Variants in THRB observed in about 807,000 individuals in gnomAD.
THRB encodes nuclear receptor subfamily 1 group A member 2.
A neutral mutation model predicts 47.8 loss-of-function variants in THRB; 12 were observed. The ratio of observed to expected loss-of-function variants is 0.25; its 90% CI spans 0.16 to 0.41. The LOEUF is 0.41. Ranked by LOEUF, THRB falls within the 10% of genes least tolerant of loss-of-function variation. The probability of loss-of-function intolerance (pLI) is 1.00; values close to 1 mark genes in which losing one functional copy is unlikely to be tolerated. For missense variants in THRB, 348 were observed against 589.2 expected (o/e 0.59, Z 4.24); for synonymous variants, 218 against 212.2 (o/e 1.03, Z -0.24).
intron 2 of THRB, among the ~76,000 whole-genome samples, chr3:24,327,583 T>C (rs191234777): frequency 1.7e-4 from 26 of 152,374 alleles, no homozygotes; most frequent in Admixed American, 4.6e-4. Context: ...GATATATCTG[T>C]AAATAAAACA....
chr3:24,135,010 G>A (rs2034433100), intron 8 of THRB, among the ~76,000 whole-genome samples: 1 of 152,072 alleles, frequency 6.6e-6, no homozygotes, highest in Non-Finnish European at 1.5e-5. Context: ...CTTGATTTCT[G>A]GGCCCCATCC....
At chr3:24,236,326 C>G (rs905006657) in intron 3 of THRB, among the ~76,000 whole-genome samples, 3 of 152,126 alleles carry the variant, frequency 2.0e-5, no homozygotes, top group African/African-American at 7.2e-5. Context: ...CTCTTCAAGC[C>G]TCATTTGTAA....
chr3:24,477,693 G>A (rs1695692877), intron 1 of THRB, among the ~76,000 whole-genome samples: 1 of 151,894 alleles, frequency 6.6e-6, no homozygotes, highest in South Asian at 2.1e-4. Flanking sequence ...GGGTCCTAAC[G>A]CAGGATACGT....
At chr3:24,354,314 AC>A (rs1480889465) in intron 1 of THRB, among the ~76,000 whole-genome samples, 1 of 151,936 alleles carries the variant, frequency 6.6e-6, no homozygotes, top group African/African-American at 2.4e-5. Flanking sequence ...TATACAACAA[AC>A]CCCCATCACA....
intron 3 of THRB, among the ~76,000 whole-genome samples, chr3:24,239,251 G>A (rs2049231752): frequency 6.6e-6 from 1 of 152,036 alleles, no homozygotes; most frequent in Non-Finnish European, 1.5e-5. Flanking sequence ...CGCACATTAG[G>A]TTCTTGTTTA....
chr3:24,281,032 A>G (rs1031274937), intron 3 of THRB, among the ~76,000 whole-genome samples: 38 of 152,146 alleles, frequency 2.5e-4, no homozygotes, highest in Admixed American at 1.6e-3. Context: ...CATCCAGGAG[A>G]ACTTCCCCAA....
chr3:24,404,236 A>G (rs564364359), intron 1 of THRB, among the ~76,000 whole-genome samples: 2 of 152,108 alleles, frequency 1.3e-5, no homozygotes, highest in South Asian at 4.1e-4. Flanking sequence ...ATGCATGAGT[A>G]AAAGATCCAT....
At chr3:24,335,428 C>A (rs1034334932) in intron 2 of THRB, among the ~76,000 whole-genome samples, 5 of 152,184 alleles carry the variant, frequency 3.3e-5, no homozygotes, top group Admixed American at 3.3e-4. Flanking sequence ...AAACAGCCCA[C>A]ATAGCTTTAA....
rs1156508149 is a variant in THRB at position 24,150,098 on chromosome 3, C to T, written c.384+2292G>A. ...TGATTCTTTCTCTAAAAATAGTTTG[C>T]TGTGGGACAGTATCAATATCCTTTC... On this transcript the variant is annotated intron_variant, in intron 6 of 10. Transcript: ENST00000646209. Among the ~76,000 whole-genome samples the T allele has an allele frequency of 2.6e-5, 4 of 152,190 alleles. No individual in the cohort carries two copies. In the East Asian group the frequency reaches 7.7e-4, roughly 29 times the overall value.
intron 1 of THRB, among the ~76,000 whole-genome samples, chr3:24,445,316 C>T (rs2071959377): frequency 6.6e-6 from 1 of 151,998 alleles, no homozygotes; most frequent in African/African-American, 2.4e-5. Context: ...GGTTATTTAT[C>T]AGCTATTGAG....
rs142298623 is a variant in THRB, at chr3:24,439,412, G to A, written c.-261+55240C>T. ...AATTTAGAGCCGGACGCCCTCTCAC[G>A]AGAACTATGGCATGGGATCCTCTGT... On this transcript the variant is annotated intron_variant, in intron 1 of 10. Transcript: ENST00000646209. 2.4e-3 allele frequency among the ~76,000 whole-genome samples: 364 copies of A among 152,236 alleles called. 1 individual carries two copies. The highest frequency in any genetic ancestry group is 8.3e-3 in the African/African-American group (345 of 41,534).
At chr3:24,266,818 CT>C (rs879528719) in intron 3 of THRB, among the ~76,000 whole-genome samples, 5 of 151,792 alleles carry the variant, frequency 3.3e-5, no homozygotes, top group Non-Finnish European at 7.4e-5. Context: ...CTGGACAGAC[CT>C]TCCATATTAA....
chr3:24,255,867 T>A (rs2051221069), intron 3 of THRB, among the ~76,000 whole-genome samples: 1 of 152,168 alleles, frequency 6.6e-6, no homozygotes. Flanking sequence ...TAGCAATGAT[T>A]AGATTTACAT....
intron 2 of THRB, among the ~76,000 whole-genome samples, chr3:24,327,560 T>C (rs1015478556): frequency 1.3e-5 from 2 of 152,246 alleles, no homozygotes; most frequent in Non-Finnish European, 2.9e-5. Context: ...CAGGCACAAT[T>C]CTAGGTACTT....
chr3:24,227,270 T>C (rs2047752351), intron 4 of THRB, among the ~76,000 whole-genome samples: 1 of 152,222 alleles, frequency 6.6e-6, no homozygotes, highest in Admixed American at 6.5e-5. Context: ...GGTATCTGTG[T>C]GCTCACACCT....
At chr3:24,301,445 C>T (rs1166163210) in intron 2 of THRB, among the ~76,000 whole-genome samples, 2 of 152,184 alleles carry the variant, frequency 1.3e-5, no homozygotes, top group African/African-American at 4.8e-5. Context: ...CTTATGAATG[C>T]TGTGGCAAAG....
chr3:24,306,880 T>C (rs535542403), intron 2 of THRB, among the ~76,000 whole-genome samples: 1 of 152,316 alleles, frequency 6.6e-6, no homozygotes, highest in Admixed American at 6.5e-5. Context: ...TAGAGTTTAA[T>C]AATCACTTAG....
chr3:24,293,302 T>C (rs919722593), intron 3 of THRB, among the ~76,000 whole-genome samples: 3 of 152,240 alleles, frequency 2.0e-5, no homozygotes, highest in East Asian at 1.9e-4. Context: ...TACTGCAGAG[T>C]TCTCCCTTCC....
chr3:24,176,686 T>C (rs2041200497), intron 5 of THRB, among the ~76,000 whole-genome samples: 1 of 152,182 alleles, frequency 6.6e-6, no homozygotes, highest in African/African-American at 2.4e-5. Flanking sequence ...AAGAGAAAGA[T>C]GCCAGTCATA....
Sources: allele counts gnomAD v4.1 joint callset (sites outside exome capture counted in the v4.1 genomes callset), GRCh38; gene constraint gnomAD v4.1.1; transcripts MANE v1.5; gene names NCBI Gene and HGNC (gene_info 2026-07-23, HGNC 2026-07-21).